The following CNBD2 variants were observed in gnomAD, a reference collection of about 807,000 sequenced individuals.
The protein encoded by CNBD2 is cyclic nucleotide binding domain containing 2.
In CNBD2, 64 loss-of-function variants were observed where a neutral mutation model predicts 63.7. That is an observed-to-expected ratio of 1.00 (90% CI 0.82 to 1.24). CNBD2 has a LOEUF of 1.24. CNBD2 is among the 50% of genes most tolerant of loss of function. The probability of loss-of-function intolerance (pLI) is 0.00; values close to 1 mark genes in which losing one functional copy is unlikely to be tolerated. For missense variants in CNBD2, 691 were observed against 713.5 expected (o/e 0.97, Z 0.36); for synonymous variants, 229 against 255.4 (o/e 0.90, Z 0.99).
At chr20:36,024,218 C>A (rs1298730054) in intron 11 of CNBD2, among the ~76,000 whole-genome samples, 2 of 152,096 alleles carry the variant, frequency 1.3e-5, no homozygotes, top group South Asian at 4.1e-4. Flanking sequence ...GCCTGTAATC[C>A]CAACTACTCA....
intron 9 of CNBD2, 114 bp downstream of exon 9, chr20:36,008,588 G>T: frequency 9.4e-7 from 1 of 1,066,732 alleles, no homozygotes; most frequent in Non-Finnish European, 1.3e-6. Context: ...GAGGACACAG[G>T]TCAATCCCAA....
intron 7 of CNBD2, among the ~76,000 whole-genome samples, chr20:35,994,145 A>C (rs1460407047): frequency 1.3e-5 from 2 of 150,854 alleles, no homozygotes; most frequent in African/African-American, 2.4e-5. Flanking sequence ...GGCTCACTGC[A>C]ACCTCTGCCT....
intron 3 of CNBD2, among the ~76,000 whole-genome samples, chr20:35,978,599 C>T (rs1044170405): frequency 2.0e-5 from 3 of 152,222 alleles, no homozygotes; most frequent in African/African-American, 7.2e-5. Flanking sequence ...CCGCCTTGGC[C>T]TCCCAAAGTG....
chr20:35,984,141 A>T lies in CNBD2; in HGVS notation c.564+3A>T. 1.3e-6 allele frequency: 2 copies of T among 1,596,468 alleles called. No individual in the cohort carries two copies. Among genetic ancestry groups the T allele is most frequent in the Non-Finnish European group, 1.7e-6 (2 of 1,170,788 alleles). On this transcript the variant is annotated splice_donor_region_variant and intron_variant, in intron 5 of 11. Transcript: ENST00000373973. ...TGCACAAGGGTAGCTGTTTTGGGGT[A>T]AGCCCAGGGGAAGGACCCAGTTTCC...
At chr20:35,967,721 C>A (rs1465392463), upstream of CNBD2, among the ~76,000 whole-genome samples, 1 of 151,938 alleles carries the variant, frequency 6.6e-6, no homozygotes, top group South Asian at 2.1e-4. Context: ...GGCATGGTGG[C>A]ACACGCCTGT....
chr20:36,009,606 C>T (rs1386947659), intron 9 of CNBD2, among the ~76,000 whole-genome samples: 1 of 152,032 alleles, frequency 6.6e-6, no homozygotes, highest in Non-Finnish European at 1.5e-5. Flanking sequence ...CTGAAGCGGG[C>T]GGATTGCCTG....
intron 4 of CNBD2, among the ~76,000 whole-genome samples, chr20:35,983,621 A>C (rs1461523224): frequency 2.0e-5 from 3 of 152,232 alleles, no homozygotes; most frequent in African/African-American, 7.2e-5. Context: ...CTAACGCTAA[A>C]GCCAGTCCTC....
At chr20:35,991,813 C>A (rs1455157343) in intron 7 of CNBD2, among the ~76,000 whole-genome samples, 2 of 152,124 alleles carry the variant, frequency 1.3e-5, no homozygotes, top group Middle Eastern at 3.2e-3. Context: ...TCCCGCAATC[C>A]AGTGCTTCTC....
rs567600839 is a variant in CNBD2, at chr20:36,005,973, A to T, written c.971-2324A>T. Among the ~76,000 whole-genome samples, 3 of 152,038 alleles carry T rather than the reference A, an allele frequency of 2.0e-5. No individual in the cohort carries two copies. In the East Asian group the frequency reaches 5.8e-4, roughly 30 times the overall value. ...CTCAAAAACAAAAAAACAAAAACAA[A>T]ACAAAACAAACAAAAGACATTAATT... On this transcript the variant is annotated intron_variant, in intron 8 of 11. Transcript: ENST00000373973.
chr20:35,972,775 T>A lies in CNBD2; in HGVS notation c.189+9T>A, dbSNP rs1474285647. ...TCTTCTCCTTCTGGGATGTAAGCAGTTGGGCTCAGCAGGATTATGAGGGCT... is the reference window on the plus strand; with the variant it reads ...TCTTCTCCTTCTGGGATGTAAGCAGATGGGCTCAGCAGGATTATGAGGGCT... On this transcript the variant is annotated intron_variant, in intron 2 of 11. Transcript: ENST00000373973. 4 of 1,614,070 alleles carry A rather than the reference T, an allele frequency of 2.5e-6. No homozygotes were observed. The highest frequency in any genetic ancestry group is 3.4e-6 in the Non-Finnish European group (4 of 1,179,950).
At chr20:36,011,011 C>T (rs545332258) in intron 9 of CNBD2, 126 bp from the exon 10 acceptor site, 1 of 1,037,184 alleles carries the variant, frequency 9.6e-7, no homozygotes, top group Non-Finnish European at 1.3e-6. Flanking sequence ...TTCTCGCCTT[C>T]TGGGAAGTTG....
chr20:35,987,431 G>A lies in CNBD2; in HGVS notation c.753G>A (p.Lys251=). 1 of 1,614,228 alleles carries A rather than the reference G, an allele frequency of 6.2e-7. No homozygotes were observed. The highest frequency in any genetic ancestry group is 8.5e-7 in the Non-Finnish European group (1 of 1,180,030). Reference sequence around the variant, plus strand: ...TGTTTGCATCATGGTCTGATGAGAAGCTCTGGCAGCTGGTAGCCATGGCGA... The same window carrying A: ...TGTTTGCATCATGGTCTGATGAGAAACTCTGGCAGCTGGTAGCCATGGCGA... ...MELFASWSDE[K]LWQLVAMAKI... Residue 251 remains lysine, a synonymous_variant, in exon 7 of 12, where the codon AAG becomes AAA. Coordinates refer to ENST00000373973, the MANE Select transcript of CNBD2 (RefSeq NM_001365709.1).
At chr20:35,979,091 A>T (rs969967551) in intron 3 of CNBD2, among the ~76,000 whole-genome samples, 7 of 152,358 alleles carry the variant, frequency 4.6e-5, no homozygotes, top group Non-Finnish European at 7.3e-5. Context: ...CTCTGGAGGA[A>T]CACAGTAGGG....
upstream of CNBD2, among the ~76,000 whole-genome samples, chr20:35,963,630 C>T (rs1039239743): frequency 6.6e-6 from 1 of 151,942 alleles, no homozygotes; most frequent in African/African-American, 2.4e-5. Context: ...AAAAGAGAGA[C>T]TCTGTCTCAA....
At chr20:35,970,660 A>G (rs547474285) in intron 1 of CNBD2, among the ~76,000 whole-genome samples, 1 of 152,214 alleles carries the variant, frequency 6.6e-6, no homozygotes, top group South Asian at 2.1e-4. Flanking sequence ...GGCCTCCCAA[A>G]GTGCTAGGAT....
intron 10 of CNBD2, among the ~76,000 whole-genome samples, chr20:36,017,856 G>A (rs1438263693): frequency 6.6e-6 from 1 of 151,972 alleles, no homozygotes; most frequent in South Asian, 2.1e-4. Flanking sequence ...CCCACACACC[G>A]CTCCTCCTGC....
At chr20:35,969,270 A>G (rs190750837) in intron 1 of CNBD2, among the ~76,000 whole-genome samples, 100 of 152,318 alleles carry the variant, frequency 6.6e-4, no homozygotes, top group African/African-American at 2.3e-3. Flanking sequence ...GCATAAATTT[A>G]CTGATTAAAT....
intron 10 of CNBD2, among the ~76,000 whole-genome samples, chr20:36,020,257 A>G (rs751882872): frequency 1.3e-5 from 2 of 151,850 alleles, no homozygotes; most frequent in Admixed American, 6.6e-5. Context: ...AATTTTCTGT[A>G]TTTTTAATAG....
intron 8 of CNBD2, among the ~76,000 whole-genome samples, chr20:36,006,746 C>G (rs1201566931): frequency 6.6e-6 from 1 of 152,226 alleles, no homozygotes; most frequent in Non-Finnish European, 1.5e-5. Context: ...TATACCTCTA[C>G]AATCAAGTTA....
Sources: gnomAD v4.1 joint callset for allele counts (sites outside exome capture counted in the v4.1 genomes callset) on GRCh38, gnomAD v4.1.1 for gene constraint, MANE v1.5 for transcripts, NCBI Gene and HGNC (gene_info 2026-07-23, HGNC 2026-07-21) for gene names.